GATAD2A: variants seen among roughly 807,000 people sequenced by gnomAD.
GATAD2A encodes GATA zinc finger domain containing 2A.
In GATAD2A, 12 loss-of-function variants were observed where a neutral mutation model predicts 68.5. The observed-to-expected ratio is 0.18, with a 90% CI of 0.11 to 0.28. GATAD2A has a LOEUF of 0.28. Ranked by LOEUF, GATAD2A falls within the 10% of genes least tolerant of loss-of-function variation. The pLI, the probability that GATAD2A is intolerant of heterozygous loss-of-function variation, is 1.00. For missense variants in GATAD2A, 755 were observed against 868.5 expected (o/e 0.87, Z 1.64); for synonymous variants, 410 against 375.3 (o/e 1.09, Z -1.07).
intron 1 of GATAD2A, among the ~76,000 whole-genome samples, chr19:19,460,246 AGAGTAG>A (rs2057309372): frequency 6.6e-6 from 1 of 152,042 alleles, no homozygotes; most frequent in African/African-American, 2.4e-5. Flanking sequence ...TGCCGGGAGG[AGAGTAG>A]ACAGGGGTTC....
Position 19,457,991 on chromosome 19 carries a change from T to A in GATAD2A, c.-6-7349T>A, listed in dbSNP as rs73530428. On this transcript the variant is annotated intron_variant, in intron 1 of 11. Coordinates refer to ENST00000683918, the MANE Select transcript of GATAD2A (RefSeq NM_001384528.1). ...ACTGCTGGTCTTATCCTAGGACCAC[T>A]GCAGGGAGACGATCTCTCAGTTTGG... 7.2e-3 allele frequency among the ~76,000 whole-genome samples: 1,099 copies of A among 152,324 alleles called. 12 individuals carry two copies. The highest frequency in any genetic ancestry group is 0.024 in the African/African-American group (1,011 of 41,574).
At chr19:19,491,662 G>T (rs998750788) in intron 2 of GATAD2A, among the ~76,000 whole-genome samples, 6 of 152,242 alleles carry the variant, frequency 3.9e-5, no homozygotes, top group African/African-American at 1.4e-4. Context: ...CTGCCGCCAT[G>T]TGGGGCCCAA....
chr19:19,392,975 G>A (rs2048958446), intron 1 of GATAD2A, among the ~76,000 whole-genome samples: 2 of 152,104 alleles, frequency 1.3e-5, no homozygotes, highest in South Asian at 4.1e-4. Context: ...GATTACAGGC[G>A]TGAGCCACCG....
At chr19:19,460,941 C>T (rs1214134782) in intron 1 of GATAD2A, among the ~76,000 whole-genome samples, 1 of 152,206 alleles carries the variant, frequency 6.6e-6, no homozygotes, top group East Asian at 1.9e-4. Context: ...CACCCAGCCC[C>T]CGTCCCTCTG....
intron 2 of GATAD2A, among the ~76,000 whole-genome samples, chr19:19,470,752 CAAA>C (rs144396337): frequency 1.4e-5 from 2 of 144,816 alleles, no homozygotes; most frequent in Non-Finnish European, 3.0e-5. Context: ...CTGTAAAAAA[CAAA>C]AAAAAAAGGA....
chr19:19,418,318 G>A (rs908756211), intron 1 of GATAD2A, among the ~76,000 whole-genome samples: 6 of 152,194 alleles, frequency 3.9e-5, no homozygotes, highest in African/African-American at 1.4e-4. Flanking sequence ...CCGTCCTCGT[G>A]TGTCCCCCTC....
chr19:19,484,569 C>T (rs145462963), intron 2 of GATAD2A, among the ~76,000 whole-genome samples: 474 of 119,678 alleles, frequency 4.0e-3, no homozygotes, highest in Non-Finnish European at 5.4e-3. Flanking sequence ...GTCTGGCTGT[C>T]GCCCAGGCTG....
chr19:19,491,013 C>T lies in GATAD2A; in HGVS notation c.270-1293C>T, dbSNP rs1189951821. On this transcript the variant is annotated intron_variant, in intron 2 of 11. Transcript: ENST00000683918. ...GGGACTTGCGTTGGGTCAGCGACACCACAGCAGGTGTTCAGCCTTGCGCCT... is the reference window on the plus strand; with the variant it reads ...GGGACTTGCGTTGGGTCAGCGACACTACAGCAGGTGTTCAGCCTTGCGCCT... Among the ~76,000 whole-genome samples the T allele has an allele frequency of 4.6e-5, 7 of 152,308 alleles. No homozygotes were observed. In the East Asian group the frequency reaches 9.6e-4, roughly 21 times the overall value.
chr19:19,405,545 C>T (rs2050113734), upstream of GATAD2A, among the ~76,000 whole-genome samples: 1 of 152,034 alleles, frequency 6.6e-6, no homozygotes, highest in African/African-American at 2.4e-5. Flanking sequence ...TGGGAGCGCG[C>T]CGGAGAGGGG....
chr19:19,501,968 G>C lies in GATAD2A; in HGVS notation c.1504-1G>C. 6.2e-7 allele frequency: 1 copy of C among 1,613,624 alleles called. No homozygotes were observed. The highest frequency in any genetic ancestry group is 8.5e-7 in the Non-Finnish European group (1 of 1,179,576). On this transcript the variant is annotated splice_acceptor_variant, in intron 9 of 11. Coordinates refer to ENST00000683918, the MANE Select transcript of GATAD2A (RefSeq NM_001384528.1). LOFTEE classifies it high-confidence loss of function. ...TTTGCTTTCAACCCCCGTTTGTGTA[G>C]GTCATAAAACCCCGGCGTAAGTTGG... is the stretch of plus-strand genomic sequence containing the variant.
At chr19:19,468,157 G>A (rs1393832334) in intron 2 of GATAD2A, among the ~76,000 whole-genome samples, 1 of 152,262 alleles carries the variant, frequency 6.6e-6, no homozygotes, top group Non-Finnish European at 1.5e-5. Context: ...CAGTGAGACT[G>A]TATGGCATTT....
upstream of GATAD2A, among the ~76,000 whole-genome samples, chr19:19,403,350 A>G (rs1049681339): frequency 3.9e-5 from 6 of 152,104 alleles, no homozygotes; most frequent in Non-Finnish European, 8.8e-5. Context: ...GTCACTTACC[A>G]TCTACCCATC....
At chr19:19,501,934 C>T (rs371581274) in intron 9 of GATAD2A, 35 bp from the exon 10 acceptor site, 34 of 1,567,408 alleles carry the variant, frequency 2.2e-5, no homozygotes, top group Middle Eastern at 1.7e-4. Flanking sequence ...GCCAGCGGAC[C>T]GCACTGACTT....
chr19:19,470,396 A>G (rs2058210925), intron 2 of GATAD2A, among the ~76,000 whole-genome samples: 1 of 152,092 alleles, frequency 6.6e-6, no homozygotes, highest in Non-Finnish European at 1.5e-5. Context: ...ACCCTCCCAA[A>G]TTGCTGGGAT....
chr19:19,465,375 T>G lies in GATAD2A; in HGVS notation c.30T>G (p.Ser10Arg), dbSNP rs2057789380. ...CCGAAGAAGCATGCCGAACACGGAG[T>G]CAGAAACGAGCGCTTGAACGGGACC... Reference protein sequence around the residue: MTEEACRTRSQKRALERDPT... With the variant: MTEEACRTRRQKRALERDPT... The change falls in exon 2 of 12, where the codon AGT becomes AGG. Residue 10 changes from serine to arginine, a missense_variant. Transcript: ENST00000683918. The G allele has an allele frequency of 1.9e-6, 3 of 1,613,670 alleles. No homozygotes were observed. Among genetic ancestry groups the G allele is most frequent in the Non-Finnish European group, 2.5e-6 (3 of 1,179,794 alleles).
chr19:19,408,812 C>CCT (rs1304412938), intron 1 of GATAD2A, among the ~76,000 whole-genome samples: 1 of 152,118 alleles, frequency 6.6e-6, no homozygotes, highest in Admixed American at 6.6e-5. Context: ...GAGAGAAGGA[C>CCT]ACTGTGACCT....
At chr19:19,458,487 T>TTTGCTAA in intron 1 of GATAD2A, 1 of 152,234 alleles carries the variant, frequency 6.6e-6, no homozygotes, top group Admixed American at 6.5e-5. Context: ...GCCCATACTG[T>TTTGCTAA]TTGCTCTACA....
chr19:19,447,340 G>A (rs979082658), intron 1 of GATAD2A, among the ~76,000 whole-genome samples: 2 of 152,148 alleles, frequency 1.3e-5, no homozygotes, highest in Non-Finnish European at 2.9e-5. Flanking sequence ...GGGGTGGCTG[G>A]ATTATGGTCA....
chr19:19,462,109 A>G (rs1430394068), intron 1 of GATAD2A, among the ~76,000 whole-genome samples: 1 of 152,162 alleles, frequency 6.6e-6, no homozygotes, highest in African/African-American at 2.4e-5. Flanking sequence ...AAGTGTTCTA[A>G]TGTACCCCCC....
Sources: allele counts gnomAD v4.1 joint callset (sites outside exome capture counted in the v4.1 genomes callset), GRCh38; gene constraint gnomAD v4.1.1; transcripts MANE v1.5; gene names NCBI Gene and HGNC (gene_info 2026-07-23, HGNC 2026-07-21).